Variants in FAM149B1 observed in about 807,000 individuals in gnomAD.
The protein encoded by FAM149B1 is family with sequence similarity 149 member B1.
FAM149B1 carries 56 observed loss-of-function variants against 75.3 expected under a neutral mutation model. That is an observed-to-expected ratio of 0.74 (90% CI 0.60 to 0.93). The LOEUF (loss-of-function observed/expected upper bound fraction) is 0.93, where lower values mean the gene tolerates loss of function less well. Among genes scored for constraint, FAM149B1 ranks in the 40% least tolerant of loss-of-function variants. FAM149B1 has a pLI of 0.00. For synonymous variants in FAM149B1, 259 were observed against 256.1 expected (o/e 1.01, Z -0.11); for missense variants, 639 against 708.4 (o/e 0.90, Z 1.11).
intron 7 of FAM149B1, among the ~76,000 whole-genome samples, chr10:73,218,870 A>G (rs568811982): frequency 5.9e-5 from 9 of 152,226 alleles, no homozygotes; most frequent in African/African-American, 2.2e-4. Flanking sequence ...CTCTCATCTT[A>G]CATTTTATTA....
chr10:73,184,927 A>G (rs34949753), intron 3 of FAM149B1, among the ~76,000 whole-genome samples: 1 of 152,198 alleles, frequency 6.6e-6, no homozygotes, highest in African/African-American at 2.4e-5. Flanking sequence ...AAACAGAAAA[A>G]CAATAGAGAA....
intron 5 of FAM149B1, among the ~76,000 whole-genome samples, chr10:73,195,767 G>A (rs1008062568): frequency 2.0e-5 from 3 of 151,770 alleles, no homozygotes; most frequent in African/African-American, 7.3e-5. Context: ...ACTTTTCCTG[G>A]GATATTTGAC....
At chr10:73,237,732 T>A (rs1433279885) in intron 12 of FAM149B1, among the ~76,000 whole-genome samples, 1 of 151,744 alleles carries the variant, frequency 6.6e-6, no homozygotes, top group Non-Finnish European at 1.5e-5. Context: ...AAACATTTCA[T>A]TTTTTTTAAG....
At chr10:73,225,872 G>A (rs1289363040) in intron 7 of FAM149B1, among the ~76,000 whole-genome samples, 2 of 152,090 alleles carry the variant, frequency 1.3e-5, no homozygotes, top group Non-Finnish European at 2.9e-5. Context: ...TTGTGTTATA[G>A]TTGCCCCCAG....
chr10:73,239,171 G>A, intron 12 of FAM149B1, 141 bp from the exon 13 acceptor site: 1 of 615,802 alleles, frequency 1.6e-6, no homozygotes, highest in Non-Finnish European at 2.9e-6. Flanking sequence ...TCAACCCAGT[G>A]CACTCAGCTG....
At chr10:73,188,756 G>GGGAAGGAA (rs71021548) in intron 3 of FAM149B1, among the ~76,000 whole-genome samples, 6,148 of 129,384 alleles carry the variant, frequency 0.048, 197 homozygotes, top group East Asian at 0.14. Flanking sequence ...GAAGGAAGGA[G>GGGAAGGAA]GGAAGGAAGG....
intron 3 of FAM149B1, among the ~76,000 whole-genome samples, chr10:73,190,496 AC>A (rs1375648473): frequency 6.6e-6 from 1 of 151,818 alleles, no homozygotes; most frequent in Admixed American, 6.6e-5. Context: ...AAAACAAAAA[AC>A]AAAAAAAAAA....
intron 3 of FAM149B1, among the ~76,000 whole-genome samples, chr10:73,190,496 A>C (rs1212000038): frequency 1.3e-5 from 2 of 151,818 alleles, no homozygotes; most frequent in Non-Finnish European, 2.9e-5. Context: ...AAAACAAAAA[A>C]CAAAAAAAAA....
chr10:73,170,445 C>T (rs1188770012), intron 1 of FAM149B1, among the ~76,000 whole-genome samples: 4 of 150,918 alleles, frequency 2.7e-5, no homozygotes, highest in African/African-American at 4.9e-5. Context: ...CGGAGGTTGC[C>T]GTGAGCCGAG....
intron 4 of FAM149B1, 105 bp downstream of exon 4, chr10:73,192,803 T>C: frequency 1.8e-6 from 2 of 1,089,268 alleles, no homozygotes; most frequent in Non-Finnish European, 2.5e-6. Flanking sequence ...AGCATGACTT[T>C]AATGAATGTA....
intron 5 of FAM149B1, among the ~76,000 whole-genome samples, chr10:73,195,891 A>G (rs1199576954): frequency 3.3e-5 from 5 of 152,220 alleles, no homozygotes; most frequent in Admixed American, 2.6e-4. Flanking sequence ...TTAGCACACC[A>G]CTACTTATTG....
intron 3 of FAM149B1, among the ~76,000 whole-genome samples, chr10:73,182,284 G>A (rs1417130538): frequency 1.4e-5 from 2 of 147,790 alleles, no homozygotes; most frequent in Admixed American, 6.9e-5. Context: ...GCACAATCTC[G>A]GCTCACTGCA....
At chr10:73,233,477 C>G (rs926120172) in intron 10 of FAM149B1, among the ~76,000 whole-genome samples, 1 of 152,062 alleles carries the variant, frequency 6.6e-6, no homozygotes, top group Admixed American at 6.6e-5. Flanking sequence ...TAGCCGGGAC[C>G]ACAGGCGGGT....
chr10:73,235,143 C>A (rs1226548534), intron 11 of FAM149B1, 50 bp from the exon 12 acceptor site: 1 of 1,539,566 alleles, frequency 6.5e-7, no homozygotes, highest in Admixed American at 2.0e-5. Context: ...AACTACATAC[C>A]ACATTACAGA....
chr10:73,193,660 T>C, intron 5 of FAM149B1, 67 bp downstream of exon 5: 1 of 1,432,756 alleles, frequency 7.0e-7, no homozygotes, highest in East Asian at 2.5e-5. Context: ...CTACCAGTTG[T>C]ATTAAGGGAT....
intron 9 of FAM149B1, among the ~76,000 whole-genome samples, chr10:73,232,056 T>C (rs1052122403): frequency 6.6e-6 from 1 of 152,148 alleles, no homozygotes; most frequent in Non-Finnish European, 1.5e-5. Flanking sequence ...TGTTTTGCAC[T>C]AGAGGACACC....
intron 5 of FAM149B1, among the ~76,000 whole-genome samples, chr10:73,194,828 C>T (rs1273434688): frequency 6.6e-6 from 1 of 151,902 alleles, no homozygotes; most frequent in African/African-American, 2.4e-5. Context: ...GGATTACAGG[C>T]GCCCAGCACC....
At chr10:73,176,387 C>T (rs374561402) in intron 2 of FAM149B1, among the ~76,000 whole-genome samples, 11 of 152,222 alleles carry the variant, frequency 7.2e-5, no homozygotes, top group Admixed American at 2.0e-4. Context: ...TCTGTGACCC[C>T]GGGGTTCGGG....
At chr10:73,240,814 A>T (rs1000066286) in intron 13 of FAM149B1, 132 bp from the exon 14 acceptor site, 9 of 616,830 alleles carry the variant, frequency 1.5e-5, no homozygotes, top group Non-Finnish European at 2.6e-5. Context: ...CTCTTCTACA[A>T]AACTAGTTTA....
Sources: allele counts gnomAD v4.1 joint callset (sites outside exome capture counted in the v4.1 genomes callset), GRCh38; gene constraint gnomAD v4.1.1; transcripts MANE v1.5; gene names NCBI Gene and HGNC (gene_info 2026-07-23, HGNC 2026-07-21).